ADAMTS6: variants seen among roughly 807,000 people sequenced by gnomAD.
ADAMTS6 encodes the protein ADAM metallopeptidase with thrombospondin type 1 motif 6.
ADAMTS6 carries 23 observed loss-of-function variants against 144.3 expected under a neutral mutation model. The observed-to-expected ratio is 0.16, with a 90% CI of 0.11 to 0.23. ADAMTS6 has a LOEUF of 0.23. Ranked by LOEUF, ADAMTS6 falls within the 10% of genes least tolerant of loss-of-function variation. The pLI is 1.00. For missense variants in ADAMTS6, 999 were observed against 1,379.6 expected (o/e 0.72, Z 4.37); for synonymous variants, 444 against 457.5 (o/e 0.97, Z 0.38).
At chr5:65,348,816 A>G (rs964548212) in intron 7 of ADAMTS6, among the ~76,000 whole-genome samples, 4 of 152,172 alleles carry the variant, frequency 2.6e-5, no homozygotes, top group African/African-American at 9.6e-5. Flanking sequence ...AATATACAAT[A>G]AAAACAATAA....
chr5:65,286,843 G>T (rs968596326), intron 11 of ADAMTS6, among the ~76,000 whole-genome samples: 1 of 152,040 alleles, frequency 6.6e-6, no homozygotes, highest in Non-Finnish European at 1.5e-5. Context: ...TCCTTCCTAC[G>T]TTTAAACTTA....
At chr5:65,473,463 T>G (rs1330812130) in intron 2 of ADAMTS6, 114 bp downstream of exon 2, 3 of 849,694 alleles carry the variant, frequency 3.5e-6, no homozygotes, top group Non-Finnish European at 3.8e-6. Context: ...TAGGCCTCTA[T>G]TCCTATCACT....
intron 7 of ADAMTS6, among the ~76,000 whole-genome samples, chr5:65,346,796 CA>C (rs1441363627): frequency 2.0e-5 from 3 of 151,436 alleles, no homozygotes; most frequent in African/African-American, 7.3e-5. Context: ...TCAGTAAATA[CA>C]GAAATAGACT....
intron 10 of ADAMTS6, among the ~76,000 whole-genome samples, chr5:65,296,208 C>T (rs1312683092): frequency 1.3e-5 from 2 of 152,076 alleles, no homozygotes; most frequent in Non-Finnish European, 2.9e-5. Flanking sequence ...TATTTTTATT[C>T]CACTAAGTTG....
chr5:65,374,042 T>C (rs1301207549), intron 7 of ADAMTS6, among the ~76,000 whole-genome samples: 1 of 152,212 alleles, frequency 6.6e-6, no homozygotes, highest in East Asian at 1.9e-4. Flanking sequence ...GAAAAGTCCT[T>C]TGACAAAATT....
At chr5:65,206,205 A>T (rs1340221803) in intron 20 of ADAMTS6, among the ~76,000 whole-genome samples, 1 of 152,186 alleles carries the variant, frequency 6.6e-6, no homozygotes, top group Non-Finnish European at 1.5e-5. Flanking sequence ...AAAAAAAAAG[A>T]CTAAGAATTT....
intron 7 of ADAMTS6, among the ~76,000 whole-genome samples, chr5:65,336,732 A>T (rs898738198): frequency 7.2e-5 from 11 of 152,094 alleles, no homozygotes; most frequent in Admixed American, 2.0e-4. Context: ...TATTTTACAG[A>T]TATTTATATT....
intron 7 of ADAMTS6, among the ~76,000 whole-genome samples, chr5:65,413,565 T>C (rs2150186083): frequency 6.6e-6 from 1 of 152,272 alleles, no homozygotes; most frequent in African/African-American, 2.4e-5. Context: ...GCAGCATTCC[T>C]CTCTATCCCT....
intron 7 of ADAMTS6, among the ~76,000 whole-genome samples, chr5:65,399,738 A>AT (rs1371863031): frequency 2.6e-5 from 4 of 152,204 alleles, no homozygotes; most frequent in Admixed American, 6.5e-5. Context: ...CATATGATAC[A>AT]TAAGCACACA....
At chr5:65,279,138 T>C (rs1225484099) in intron 11 of ADAMTS6, among the ~76,000 whole-genome samples, 1 of 151,870 alleles carries the variant, frequency 6.6e-6, no homozygotes, top group African/African-American at 2.4e-5. Context: ...AGACACAGAG[T>C]TTCACCATGT....
intron 7 of ADAMTS6, among the ~76,000 whole-genome samples, chr5:65,357,629 C>CA (rs914451993): frequency 6.0e-5 from 9 of 148,858 alleles, no homozygotes; most frequent in African/African-American, 1.2e-4. Context: ...AAGAAAGTTT[C>CA]AAAAAAAACA....
intron 9 of ADAMTS6, among the ~76,000 whole-genome samples, chr5:65,326,604 T>C (rs1326339559): frequency 1.3e-5 from 2 of 152,238 alleles, no homozygotes; most frequent in Non-Finnish European, 2.9e-5. Flanking sequence ...GTAGGGGCTC[T>C]TCTCAGTAGT....
chr5:65,279,329 T>A (rs1444680276), intron 11 of ADAMTS6, among the ~76,000 whole-genome samples: 1 of 152,176 alleles, frequency 6.6e-6, no homozygotes, highest in East Asian at 1.9e-4. Flanking sequence ...TTATTTATTT[T>A]TTTGTGAGAC....
intron 10 of ADAMTS6, among the ~76,000 whole-genome samples, chr5:65,297,839 T>C (rs1301792638): frequency 6.6e-6 from 1 of 152,192 alleles, no homozygotes; most frequent in African/African-American, 2.4e-5. Flanking sequence ...CCCAAGTCTC[T>C]ACCCATTGTG....
chr5:65,388,213 A>C (rs79033050), intron 7 of ADAMTS6, among the ~76,000 whole-genome samples: 4,821 of 151,228 alleles, frequency 0.032, 94 homozygotes, highest in East Asian at 0.081. Context: ...CAACCCCCCC[A>C]AAAAAAAAGA....
intron 7 of ADAMTS6, among the ~76,000 whole-genome samples, chr5:65,411,323 G>T (rs1755031345): frequency 6.6e-6 from 1 of 152,094 alleles, no homozygotes; most frequent in Non-Finnish European, 1.5e-5. Context: ...GATTGCTGGA[G>T]CCTATGGCAG....
At chr5:65,205,934 A>C (rs1011058797) in intron 20 of ADAMTS6, among the ~76,000 whole-genome samples, 5 of 152,212 alleles carry the variant, frequency 3.3e-5, no homozygotes, top group Non-Finnish European at 7.3e-5. Context: ...ATATTATTCA[A>C]AACCTCTAGT....
chr5:65,176,105 T>G (rs999305698), intron 22 of ADAMTS6, among the ~76,000 whole-genome samples: 1 of 145,404 alleles, frequency 6.9e-6, no homozygotes, highest in Non-Finnish European at 1.5e-5. Context: ...GTTATCATCT[T>G]CGGAAAAAAA....
intron 10 of ADAMTS6, among the ~76,000 whole-genome samples, chr5:65,294,789 T>C (rs1294412028): frequency 4.6e-5 from 7 of 152,202 alleles, no homozygotes; most frequent in Non-Finnish European, 1.0e-4. Context: ...ACTTTTTTTC[T>C]ATGAAAATTC....
Sources: allele counts gnomAD v4.1 joint callset (sites outside exome capture counted in the v4.1 genomes callset), GRCh38; gene constraint gnomAD v4.1.1; transcripts MANE v1.5; gene names NCBI Gene and HGNC (gene_info 2026-07-23, HGNC 2026-07-21).